The following SNX3 variants were observed in gnomAD, a reference collection of about 807,000 sequenced individuals.
The protein encoded by SNX3 is sorting nexin-3.
Under a neutral mutation model 17.7 loss-of-function variants are expected in SNX3, and 5 were observed. The ratio of observed to expected loss-of-function variants is 0.28; its 90% CI spans 0.15 to 0.59. The LOEUF is 0.59. Among genes scored for constraint, SNX3 ranks in the 20% least tolerant of loss-of-function variants. SNX3 has a pLI of 0.88. For synonymous variants in SNX3, 91 were observed against 76.5 expected (o/e 1.19, Z -0.99); for missense variants, 132 against 206.8 (o/e 0.64, Z 2.22).
chr6:108,224,364 T>C (rs1319282356), intron 1 of SNX3, among the ~76,000 whole-genome samples: 1 of 152,194 alleles, frequency 6.6e-6, no homozygotes, highest in Non-Finnish European at 1.5e-5. Context: ...CACTGAGATC[T>C]CCGCCGCCTG....
intron 1 of SNX3, among the ~76,000 whole-genome samples, chr6:108,248,805 G>C (rs2114759827): frequency 6.6e-6 from 1 of 151,770 alleles, no homozygotes; most frequent in Non-Finnish European, 1.5e-5. Context: ...CTGTCACCCA[G>C]GCTGGAGTGC....
intron 1 of SNX3, among the ~76,000 whole-genome samples, chr6:108,246,306 G>C (rs1000134691): frequency 4.0e-5 from 5 of 125,578 alleles, no homozygotes; most frequent in Non-Finnish European, 8.1e-5. Flanking sequence ...AAAGAGCTTT[G>C]AGCATTCTTT....
At chr6:108,240,377 C>A in intron 1 of SNX3, among the ~76,000 whole-genome samples, 1 of 152,166 alleles carries the variant, frequency 6.6e-6, no homozygotes, top group East Asian at 1.9e-4. Flanking sequence ...CACCACCACG[C>A]CTGGCTAATT....
chr6:108,213,469 T>C (rs1048563046), intron 3 of SNX3, among the ~76,000 whole-genome samples: 4 of 151,634 alleles, frequency 2.6e-5, no homozygotes, highest in African/African-American at 9.7e-5. Flanking sequence ...CTGGCCAACA[T>C]GGCGAAACCC....
chr6:108,259,064 G>A (rs902276201), intron 1 of SNX3, among the ~76,000 whole-genome samples: 2 of 152,072 alleles, frequency 1.3e-5, no homozygotes, highest in African/African-American at 2.4e-5. Context: ...GAAAATACTA[G>A]TGAATAGGGC....
rs182952817 is a variant in SNX3 at position 108,221,356 on chromosome 6, G to A, written c.258+1594C>T. Among the ~76,000 whole-genome samples the A allele has an allele frequency of 6.1e-3, 915 of 149,040 alleles. 3 individuals carry two copies. Among genetic ancestry groups the A allele is most frequent in the Non-Finnish European group, 0.01 (676 of 67,458 alleles). On this transcript the variant is annotated intron_variant, in intron 2 of 3. Coordinates refer to ENST00000230085, the MANE Select transcript of SNX3 (RefSeq NM_003795.6). Reference sequence around the variant, plus strand: ...CTTCTCTTCAACAACCCCCTCCCCCGCAATTTACCTAATAGGATATAAGCA... The same window carrying A: ...CTTCTCTTCAACAACCCCCTCCCCCACAATTTACCTAATAGGATATAAGCA...
At chr6:108,251,475 C>T (rs141758862) in intron 1 of SNX3, among the ~76,000 whole-genome samples, 2 of 152,098 alleles carry the variant, frequency 1.3e-5, no homozygotes, top group Non-Finnish European at 2.9e-5. Context: ...TACAGCAATG[C>T]GCAGAAACAG....
Position 108,229,052 on chromosome 6 carries a change from G to T in SNX3, c.163-6007C>A, listed in dbSNP as rs537574414. Among the ~76,000 whole-genome samples, 54 of 152,024 alleles carry T rather than the reference G, an allele frequency of 3.6e-4. No homozygotes were observed. The South Asian group carries it at 5.2e-3, about 15-fold the overall frequency. ...AGGCGGGTGGATCACTTGAGGTCAG[G>T]AGTTCAAGACCAGCCTGGCCAATAC... On this transcript the variant is annotated intron_variant, in intron 1 of 3. Transcript: ENST00000230085.
At chr6:108,217,748 CAAA>C (rs571646125) in intron 2 of SNX3, among the ~76,000 whole-genome samples, 8 of 66,696 alleles carry the variant, frequency 1.2e-4, no homozygotes, top group African/African-American at 1.1e-4. Context: ...GACACCGTCT[CAAA>C]AAAAAAAAAA....
At chr6:108,232,697 ACCAATCC>A (rs1775206828) in intron 1 of SNX3, among the ~76,000 whole-genome samples, 1 of 152,222 alleles carries the variant, frequency 6.6e-6, no homozygotes, top group African/African-American at 2.4e-5. Flanking sequence ...ACTCTATTCA[ACCAATCC>A]TAAGAGATGT....
chr6:108,258,856 G>A (rs1776105954), intron 1 of SNX3, among the ~76,000 whole-genome samples: 2 of 151,494 alleles, frequency 1.3e-5, no homozygotes, highest in Non-Finnish European at 2.9e-5. Flanking sequence ...AAGGTATTAG[G>A]TGTATTAAAA....
At position 108,215,306 on chromosome 6, in the gene SNX3, C is replaced by T. The variant is rs922293830; in HGVS notation, c.259-684G>A. Among the ~76,000 whole-genome samples the T allele has an allele frequency of 2.7e-5, 4 of 149,278 alleles. No homozygotes were observed. The East Asian group carries it at 5.9e-4, about 22-fold the overall frequency. ...CAGAGCTTGCAGTGAGTGGAGATCACGCCACTGCACTCCAGCTGGGCTACA... is the reference window on the plus strand; with the variant it reads ...CAGAGCTTGCAGTGAGTGGAGATCATGCCACTGCACTCCAGCTGGGCTACA... On this transcript the variant is annotated intron_variant, in intron 2 of 3. Coordinates refer to ENST00000230085, the MANE Select transcript of SNX3 (RefSeq NM_003795.6).
chr6:108,234,591 T>C (rs535445036), intron 1 of SNX3, among the ~76,000 whole-genome samples: 9 of 152,290 alleles, frequency 5.9e-5, no homozygotes, highest in African/African-American at 9.6e-5. Context: ...TGTGAATATA[T>C]TGAGTTTGCA....
At chr6:108,246,313 C>CTTTTTTTTTTTTTT (rs71015538) in intron 1 of SNX3, among the ~76,000 whole-genome samples, 3 of 47,984 alleles carry the variant, frequency 6.3e-5, no homozygotes, top group African/African-American at 2.7e-4. Flanking sequence ...TTTGAGCATT[C>CTTTTTTTTTTTTTT]TTTTTTTTTT....
intron 1 of SNX3, among the ~76,000 whole-genome samples, chr6:108,251,480 A>T (rs1298950331): frequency 6.6e-6 from 1 of 152,200 alleles, no homozygotes; most frequent in East Asian, 1.9e-4. Context: ...CAATGCGCAG[A>T]AACAGAAATA....
chr6:108,222,328 G>A (rs977566703), intron 2 of SNX3: 7 of 1,303,664 alleles, frequency 5.4e-6, no homozygotes, highest in Non-Finnish European at 7.1e-6. Flanking sequence ...GGGCTGAAAT[G>A]AGAGACACCA....
At chr6:108,259,081 G>T (rs151038162) in intron 1 of SNX3, among the ~76,000 whole-genome samples, 35 of 152,228 alleles carry the variant, frequency 2.3e-4, no homozygotes, top group African/African-American at 8.2e-4. Context: ...GGGCAAAAGA[G>T]GAAGTTCTTT....
At chr6:108,241,499 GA>G (rs1775522858) in intron 1 of SNX3, among the ~76,000 whole-genome samples, 1 of 151,940 alleles carries the variant, frequency 6.6e-6, no homozygotes, top group African/African-American at 2.4e-5. Context: ...CTTAAAAAAA[GA>G]AAAAGGCTGA....
Position 108,212,298 on chromosome 6 carries a change from G to T in SNX3, c.384-44C>A, listed in dbSNP as rs374709597. 5 of 1,325,338 alleles carry T rather than the reference G, an allele frequency of 3.8e-6. No individual in the cohort carries two copies. The African/African-American group carries it at 7.5e-5, about 20-fold the overall frequency. 82.1% of individuals were successfully genotyped at this position (1,325,338 alleles called of 1,614,324 possible). On this transcript the variant is annotated intron_variant, in intron 3 of 3. Coordinates refer to ENST00000230085, the MANE Select transcript of SNX3 (RefSeq NM_003795.6). ...AATTTAGTCCAATATTTTATACAAG[G>T]TGGGGGAGTTCAAAACACATATTTT...
Sources: gnomAD v4.1 joint callset for allele counts (sites outside exome capture counted in the v4.1 genomes callset) on GRCh38, gnomAD v4.1.1 for gene constraint, MANE v1.5 for transcripts, NCBI Gene and HGNC (gene_info 2026-07-23, HGNC 2026-07-21) for gene names.